The following KIAA0825 variants were observed in gnomAD, a reference collection of about 807,000 sequenced individuals.
KIAA0825 encodes the protein KIAA0825, also known as uncharacterized protein KIAA0825.
A neutral mutation model predicts 147.6 loss-of-function variants in KIAA0825; 119 were observed. The ratio of observed to expected loss-of-function variants is 0.81; its 90% CI spans 0.69 to 0.94. The LOEUF is 0.94. Ranked by LOEUF, KIAA0825 falls within the 40% of genes least tolerant of loss-of-function variation. The pLI is 0.00. For synonymous variants in KIAA0825, 470 were observed against 518.1 expected, an observed-to-expected ratio of 0.91 and a Z score of 1.26; for missense variants, 1,381 against 1,472.7, an observed-to-expected ratio of 0.94 and a Z score of 1.02.
intron 20 of KIAA0825, among the ~76,000 whole-genome samples, chr5:94,358,150 G>A (rs1283444289): frequency 2.6e-5 from 4 of 152,094 alleles, no homozygotes; most frequent in East Asian, 3.9e-4. Flanking sequence ...CAAATTCCTC[G>A]CCTTCAGTTG....
chr5:94,302,504 T>C lies in KIAA0825; in HGVS notation c.3710+81864A>G, dbSNP rs570915758. ...CATGTCCCGAATTAGAGTATATTAA[T>C]TATCACTTGTGTGCAATATGCATGA... On this transcript the variant is annotated intron_variant, in intron 20 of 20. Coordinates refer to ENST00000682413, the MANE Select transcript of KIAA0825 (RefSeq NM_001145678.3). Among the ~76,000 whole-genome samples the C allele has an allele frequency of 1.1e-3, 173 of 152,278 alleles. 3 individuals carry two copies. In the South Asian group the frequency reaches 0.027, roughly 24 times the overall value.
chr5:94,349,516 T>C (rs1250742481), intron 20 of KIAA0825, among the ~76,000 whole-genome samples: 3 of 152,170 alleles, frequency 2.0e-5, no homozygotes, highest in South Asian at 2.1e-4. Context: ...TTCTCCAAGA[T>C]AGACCATATG....
chr5:94,299,154 A>G (rs1778266983), intron 20 of KIAA0825, among the ~76,000 whole-genome samples: 2 of 152,110 alleles, frequency 1.3e-5, no homozygotes, highest in Non-Finnish European at 2.9e-5. Context: ...AAGCTAAACT[A>G]TGAAATTTCT....
chr5:94,316,826 C>A (rs904283234), intron 20 of KIAA0825, among the ~76,000 whole-genome samples: 3 of 151,526 alleles, frequency 2.0e-5, no homozygotes, highest in Admixed American at 1.3e-4. Flanking sequence ...CGCACAAAAA[C>A]CAAAAAATAT....
At chr5:94,272,805 T>A (rs1777051811) in intron 20 of KIAA0825, among the ~76,000 whole-genome samples, 1 of 152,234 alleles carries the variant, frequency 6.6e-6, no homozygotes, top group Non-Finnish European at 1.5e-5. Flanking sequence ...GCTTAGGGCA[T>A]GTTCCCATTT....
At chr5:94,533,925 C>G (rs570177730) in intron 3 of KIAA0825, among the ~76,000 whole-genome samples, 3 of 152,236 alleles carry the variant, frequency 2.0e-5, no homozygotes, top group African/African-American at 7.2e-5. Context: ...CACACTGGTC[C>G]ATTCGGGTGA....
chr5:94,432,574 T>C (rs1196293654), intron 14 of KIAA0825, among the ~76,000 whole-genome samples: 2 of 150,122 alleles, frequency 1.3e-5, no homozygotes, highest in Admixed American at 6.7e-5. Context: ...ATATGGTTCT[T>C]AGTAAAGAAA....
At chr5:94,230,620 T>C (rs1005157382) in intron 20 of KIAA0825, among the ~76,000 whole-genome samples, 5 of 152,200 alleles carry the variant, frequency 3.3e-5, no homozygotes, top group Non-Finnish European at 5.9e-5. Flanking sequence ...ATTTCTGTTA[T>C]TTTTGTGAGG....
At chr5:94,500,280 T>C (rs1441111502) in intron 5 of KIAA0825, among the ~76,000 whole-genome samples, 9 of 152,078 alleles carry the variant, frequency 5.9e-5, no homozygotes, top group African/African-American at 2.2e-4. Context: ...AAAGCAAGAA[T>C]AAGGGTAGAG....
chr5:94,191,223 T>C (rs1263038703), intron 20 of KIAA0825, among the ~76,000 whole-genome samples: 2 of 152,184 alleles, frequency 1.3e-5, no homozygotes, highest in Non-Finnish European at 2.9e-5. Flanking sequence ...CAGTGATTCA[T>C]TCTCATTTAT....
intron 3 of KIAA0825, among the ~76,000 whole-genome samples, chr5:94,530,691 A>T (rs115502421): frequency 1.3e-5 from 2 of 152,108 alleles, no homozygotes; most frequent in African/African-American, 4.8e-5. Context: ...TCCAGGCACC[A>T]CCCAACATGA....
At chr5:94,197,141 CTT>C (rs1771208191) in intron 20 of KIAA0825, among the ~76,000 whole-genome samples, 1 of 152,170 alleles carries the variant, frequency 6.6e-6, no homozygotes, top group Admixed American at 6.5e-5. Context: ...TGTGTCTTGA[CTT>C]TTTAATAATA....
chr5:94,289,310 CGGA>C (rs1777785492), intron 20 of KIAA0825, among the ~76,000 whole-genome samples: 1 of 151,854 alleles, frequency 6.6e-6, no homozygotes. Flanking sequence ...CAGAGGTGGG[CGGA>C]TCACCTGAGG....
At chr5:94,155,022 T>TA (rs1457721269) in intron 20 of KIAA0825, among the ~76,000 whole-genome samples, 1 of 152,086 alleles carries the variant, frequency 6.6e-6, no homozygotes, top group African/African-American at 2.4e-5. Flanking sequence ...TCCTCTGCCA[T>TA]AAAGGCTTCA....
chr5:94,280,418 C>T (rs948503694), intron 20 of KIAA0825, among the ~76,000 whole-genome samples: 13 of 152,028 alleles, frequency 8.6e-5, no homozygotes, highest in African/African-American at 2.2e-4. Flanking sequence ...TGGATCAATT[C>T]AGTATTCATC....
chr5:94,414,372 A>C (rs1437062087), intron 15 of KIAA0825: 2 of 152,216 alleles, frequency 1.3e-5, no homozygotes, highest in Non-Finnish European at 2.9e-5. Flanking sequence ...GTCTAACTGA[A>C]TAATGCTTGA....
chr5:94,394,751 T>G (rs1750403209), intron 17 of KIAA0825, among the ~76,000 whole-genome samples: 1 of 152,204 alleles, frequency 6.6e-6, no homozygotes. Flanking sequence ...GGCCTTAATT[T>G]TTTAGTCATT....
intron 3 of KIAA0825, among the ~76,000 whole-genome samples, chr5:94,535,857 G>T (rs1315317448): frequency 1.3e-5 from 2 of 152,156 alleles, no homozygotes. Flanking sequence ...AAAAAGTTAG[G>T]ATGAACTATG....
intron 20 of KIAA0825, among the ~76,000 whole-genome samples, chr5:94,166,504 G>GTTTTTTTTTTTTT (rs535152982): frequency 9.9e-6 from 1 of 100,756 alleles, no homozygotes; most frequent in Non-Finnish European, 2.0e-5. Flanking sequence ...CCTCTTGGTT[G>GTTTTTTTTTTTTT]TTTTTTTTTT....
Sources: allele counts gnomAD v4.1 joint callset (sites outside exome capture counted in the v4.1 genomes callset), GRCh38; gene constraint gnomAD v4.1.1; transcripts MANE v1.5; gene names NCBI Gene and HGNC (gene_info 2026-07-23, HGNC 2026-07-21).